DNAH11: variants seen among roughly 807,000 people sequenced by gnomAD.
DNAH11 encodes dynein axonemal heavy chain 11, also known as axonemal beta dynein heavy chain 11.
DNAH11 carries 442 observed loss-of-function variants against 526.0 expected under a neutral mutation model. That is an observed-to-expected ratio of 0.84 (90% CI 0.78 to 0.91). The LOEUF (loss-of-function observed/expected upper bound fraction) is 0.91. DNAH11 is among the 40% of genes least tolerant of loss of function. The pLI, the probability that DNAH11 is intolerant of heterozygous loss-of-function variation, is 0.00. For synonymous variants in DNAH11, 2,461 were observed against 1,935.9 expected (o/e 1.27, Z -7.12); for missense variants, 6,989 against 5,448.7 (o/e 1.28, Z -8.90).
chr7:21,839,800 C>A (rs952842052), intron 65 of DNAH11, among the ~76,000 whole-genome samples: 3 of 151,980 alleles, frequency 2.0e-5, no homozygotes, highest in African/African-American at 7.3e-5. Context: ...AGTTTAGACA[C>A]TTAATCAACA....
chr7:21,805,612 A>G (rs771916926), intron 62 of DNAH11, among the ~76,000 whole-genome samples: 6 of 152,150 alleles, frequency 3.9e-5, no homozygotes, highest in Non-Finnish European at 8.8e-5. Context: ...CCTGAGAAAA[A>G]CTGTTATATA....
At chr7:21,656,043 T>C (rs1375063289) in intron 29 of DNAH11, 62 bp downstream of exon 29, 8 of 1,471,512 alleles carry the variant, frequency 5.4e-6, no homozygotes, top group Non-Finnish European at 6.3e-6. Context: ...TCTTAGAAGG[T>C]TGAGTTCAAC....
chr7:21,824,125 A>G (rs567874771), intron 65 of DNAH11, among the ~76,000 whole-genome samples: 6 of 152,356 alleles, frequency 3.9e-5, no homozygotes, highest in Non-Finnish European at 8.8e-5. Context: ...GAGAAGAGGC[A>G]GAAAAAATGT....
intron 14 of DNAH11, among the ~76,000 whole-genome samples, chr7:21,598,959 TACC>T (rs1311287288): frequency 4.6e-5 from 7 of 152,240 alleles, no homozygotes; most frequent in Admixed American, 3.9e-4. Flanking sequence ...TGTATACACG[TACC>T]ACATTTTCTT....
chr7:21,780,385 A>C (rs1562541313), intron 57 of DNAH11, among the ~76,000 whole-genome samples: 1 of 152,152 alleles, frequency 6.6e-6, no homozygotes, highest in African/African-American at 2.4e-5. Context: ...TTCTCCATAA[A>C]AGAGGGGCAA....
At chr7:21,564,568 A>G (rs1179231421) in intron 6 of DNAH11, among the ~76,000 whole-genome samples, 171 bp downstream of exon 6, 1 of 152,190 alleles carries the variant, frequency 6.6e-6, no homozygotes, top group Non-Finnish European at 1.5e-5. Context: ...CCTAAATGGC[A>G]GGAAGCTATG....
intron 67 of DNAH11, among the ~76,000 whole-genome samples, chr7:21,853,139 G>T (rs1057270849): frequency 6.6e-6 from 1 of 152,214 alleles, no homozygotes; most frequent in Non-Finnish European, 1.5e-5. Context: ...CTAAAAGCCA[G>T]TAGAAATTTT....
chr7:21,872,910 C>A (rs368226468), intron 73 of DNAH11, among the ~76,000 whole-genome samples: 1 of 152,056 alleles, frequency 6.6e-6, no homozygotes, highest in East Asian at 1.9e-4. Flanking sequence ...CAAACTAACC[C>A]CAATATGTCT....
At chr7:21,899,530 C>A (rs533772669) in intron 80 of DNAH11, 82 bp downstream of exon 80, 9 of 1,090,476 alleles carry the variant, frequency 8.3e-6, no homozygotes, top group Middle Eastern at 2.2e-4. Context: ...CCTATGATGG[C>A]GTCTCCTTGC....
intron 76 of DNAH11, among the ~76,000 whole-genome samples, chr7:21,886,651 GC>G (rs1370888659): frequency 2.6e-5 from 1 of 38,412 alleles, no homozygotes; most frequent in Admixed American, 2.1e-4. Context: ...AGGGCAAGGG[GC>G]CCGCGAGGAG....
intron 65 of DNAH11, among the ~76,000 whole-genome samples, chr7:21,825,517 A>C (rs186238099): frequency 2.0e-4 from 30 of 152,310 alleles, no homozygotes; most frequent in Admixed American, 9.2e-4. Context: ...CAGAGAACTG[A>C]GAGAGACTTT....
chr7:21,609,367 G>A (rs991265723), intron 20 of DNAH11, among the ~76,000 whole-genome samples: 9 of 151,906 alleles, frequency 5.9e-5, no homozygotes, highest in Non-Finnish European at 4.4e-5. Flanking sequence ...AGACAGGCAC[G>A]CACCACCACA....
At chr7:21,762,857 A>C (rs2893047) in intron 54 of DNAH11, among the ~76,000 whole-genome samples, 105,899 of 152,076 alleles carry the variant, frequency 0.7, 38,108 homozygotes, top group Non-Finnish European at 0.79. Context: ...ACAAAAGCAA[A>C]AACAGACAAG....
intron 28 of DNAH11, among the ~76,000 whole-genome samples, chr7:21,650,969 A>C (rs1046037201): frequency 2.0e-5 from 3 of 148,428 alleles, no homozygotes; most frequent in African/African-American, 2.5e-5. Flanking sequence ...AAAAAAAAAA[A>C]CACATGCAAC....
At position 21,892,687 on chromosome 7, in the gene DNAH11, TTTTC is replaced by T. The variant is rs533424010; in HGVS notation, c.12750+24_12750+27del. On this transcript the variant is annotated intron_variant, in intron 77 of 81. Transcript: ENST00000409508. ...GAAAAGGTAGAGGGTCTTTCCTTCC[TTTTC>T]TTTTTCATTGAAGTATAACTTACTT... The T allele has an allele frequency of 1.9e-6, 3 of 1,556,582 alleles. No individual in the cohort carries two copies. Among genetic ancestry groups the T allele is most frequent in the South Asian group, 1.2e-5 (1 of 85,370 alleles).
chr7:21,692,013 G>A (rs1181613011), intron 35 of DNAH11, among the ~76,000 whole-genome samples: 3 of 152,216 alleles, frequency 2.0e-5, no homozygotes, highest in Admixed American at 6.5e-5. Flanking sequence ...GCAGGAGTCT[G>A]TAAGAGAACA....
rs1782243762 is a variant in DNAH11, at chr7:21,842,477, A to AATGAC, written c.10692-65_10692-61dup. 8.3e-6 allele frequency: 11 copies of AATGAC among 1,331,864 alleles called. No individual in the cohort carries two copies. In the South Asian group the frequency reaches 1.6e-4, roughly 19 times the overall value. 82.5% of individuals were successfully genotyped at this position (1,331,864 alleles called of 1,614,324 possible). ...GTCCATTATAAGAATACAGGAATGGAATGACACCGTAGTATCAGTTATGGG... is the reference window on the plus strand; with the variant it reads ...GTCCATTATAAGAATACAGGAATGGAATGACATGACACCGTAGTATCAGTTATGGG... On this transcript the variant is annotated intron_variant, in intron 65 of 81. Transcript: ENST00000409508.
chr7:21,854,250 C>A, intron 67 of DNAH11, 65 bp from the exon 68 acceptor site: 1 of 1,545,770 alleles, frequency 6.5e-7, no homozygotes, highest in Non-Finnish European at 8.7e-7. Flanking sequence ...TCCTTCCATT[C>A]CTTGGATATG....
At chr7:21,587,190 T>C (rs1784502016) in intron 9 of DNAH11, among the ~76,000 whole-genome samples, 1 of 152,208 alleles carries the variant, frequency 6.6e-6, no homozygotes, top group South Asian at 2.1e-4. Flanking sequence ...GACAAGAGAC[T>C]AATGGGAATC....
Sources: gnomAD v4.1 joint callset for allele counts (sites outside exome capture counted in the v4.1 genomes callset) on GRCh38, gnomAD v4.1.1 for gene constraint, MANE v1.5 for transcripts, NCBI Gene and HGNC (gene_info 2026-07-23, HGNC 2026-07-21) for gene names.